The following DRICH1 variants were observed in gnomAD, a reference collection of about 807,000 sequenced individuals.
DRICH1 encodes aspartate-rich protein 1.
A neutral mutation model predicts 39.5 loss-of-function variants in DRICH1; 38 were observed. The ratio of observed to expected loss-of-function variants is 0.96; its 90% CI spans 0.74 to 1.26. The LOEUF is 1.26. Ranked by LOEUF, DRICH1 falls within the 50% of genes most tolerant of loss-of-function variation. The pLI, the probability that DRICH1 is intolerant of heterozygous loss-of-function variation, is 0.00. For synonymous variants in DRICH1, 84 were observed against 99.5 expected, an observed-to-expected ratio of 0.84 and a Z score of 0.93; for missense variants, 279 against 270.4, an observed-to-expected ratio of 1.03 and a Z score of -0.22.
At chr22:23,627,610 G>C (rs571112099) in intron 1 of DRICH1, among the ~76,000 whole-genome samples, 22 of 152,284 alleles carry the variant, frequency 1.4e-4, no homozygotes, top group Non-Finnish European at 2.9e-4. Flanking sequence ...ACAACAATGA[G>C]AACAACATCC....
At chr22:23,587,958 C>T in the DRICH1 span, among the ~76,000 whole-genome samples, 3 of 152,146 alleles carry the variant, frequency 2.0e-5, no homozygotes, top group African/African-American at 2.4e-5. Flanking sequence ...TGATCAAATT[C>T]CCAATCCCCC....
chr22:23,601,146 G>A, the DRICH1 span, among the ~76,000 whole-genome samples: 1,084 of 146,206 alleles, frequency 7.4e-3, 9 homozygotes, highest in African/African-American at 0.023. Context: ...ACGCACGCGC[G>A]CACACACACA....
At chr22:23,613,562 A>G in intron 10 of DRICH1, 77 bp downstream of exon 10, 1 of 1,154,656 alleles carries the variant, frequency 8.7e-7, no homozygotes, top group South Asian at 1.2e-5. Flanking sequence ...TCCCAGCAGG[A>G]CCCCAGAATC....
At chr22:23,628,870 A>T (rs1406847501) in intron 1 of DRICH1, among the ~76,000 whole-genome samples, 3 of 152,168 alleles carry the variant, frequency 2.0e-5, no homozygotes, top group African/African-American at 7.2e-5. Flanking sequence ...TGGAGAAGAC[A>T]AGAGAAAGCA....
the DRICH1 span, among the ~76,000 whole-genome samples, chr22:23,592,855 C>CAT: frequency 6.6e-6 from 1 of 150,760 alleles, no homozygotes; most frequent in Non-Finnish European, 1.5e-5. Flanking sequence ...CACACACACA[C>CAT]ACACACACAC....
chr22:23,586,840 C>T, the DRICH1 span, among the ~76,000 whole-genome samples: 7 of 152,162 alleles, frequency 4.6e-5, no homozygotes, highest in Non-Finnish European at 1.0e-4. Context: ...CCACTGCGTC[C>T]AGCCGAAATA....
chr22:23,622,481 GA>G (rs2123786213), intron 3 of DRICH1, among the ~76,000 whole-genome samples: 1 of 152,094 alleles, frequency 6.6e-6, no homozygotes, highest in South Asian at 2.1e-4. Context: ...CAAATGTTTT[GA>G]AACTCTTCAA....
At chr22:23,584,469 A>G in the DRICH1 span, among the ~76,000 whole-genome samples, 1 of 152,190 alleles carries the variant, frequency 6.6e-6, no homozygotes, top group Non-Finnish European at 1.5e-5. Flanking sequence ...GGCTGTCTCC[A>G]GAGGAAATAC....
the DRICH1 span, among the ~76,000 whole-genome samples, chr22:23,600,914 G>C: frequency 6.6e-5 from 10 of 151,676 alleles, no homozygotes; most frequent in Non-Finnish European, 1.3e-4. Flanking sequence ...CCTCGTGATC[G>C]ACCCACCTCG....
Position 23,616,866 on chromosome 22 carries a change from C to T in DRICH1, c.528G>A (p.Pro176=), listed in dbSNP as rs760242229. 66 of 1,613,858 alleles carry T rather than the reference C, an allele frequency of 4.1e-5. No homozygotes were observed. The highest frequency in any genetic ancestry group is 1.3e-4 in the Admixed American group (8 of 59,984). The part of the protein sequence containing the change: ...DDDDDDAQIL[P]SPVQACSEDS... ...CAAGGTACATACCCTGGACAGGTGA[C>T]GGTAAAATCTGCAATGAGATAAAAG... Residue 176 remains proline (P), a synonymous_variant, in exon 8 of 12, where the codon CCG becomes CCA. Coordinates refer to ENST00000317749, the MANE Select transcript of DRICH1 (RefSeq NM_016449.4).
Position 23,614,140 on chromosome 22 carries a change from T to C in DRICH1, c.616A>G (p.Ile206Val). 1 of 1,609,868 alleles carries C rather than the reference T, an allele frequency of 6.2e-7. No homozygotes were observed. The highest frequency in any genetic ancestry group is 8.5e-7 in the Non-Finnish European group (1 of 1,176,106). Residue 206 changes from isoleucine (I) to valine (V), a missense_variant, in exon 9 of 12, where the codon ATC becomes GTC. By Grantham distance (29) the Ile-to-Val change is conservative. Transcript: ENST00000317749. ...KDEEEEDDDDIHITARIESDL... is the reference protein window; with the variant it reads ...KDEEEEDDDDVHITARIESDL... Reference sequence around the variant, plus strand: ...CAAAAAAAGGGAGGTCTTACGTGGATGTCATCATCATCTTCTTCTTCTTCA... The same window carrying C: ...CAAAAAAAGGGAGGTCTTACGTGGACGTCATCATCATCTTCTTCTTCTTCA...
the DRICH1 span, among the ~76,000 whole-genome samples, chr22:23,597,196 C>G: frequency 6.9e-6 from 1 of 144,592 alleles, no homozygotes; most frequent in Admixed American, 6.9e-5. Context: ...CCATCCCTCC[C>G]TCATTTAAAC....
intron 11 of DRICH1, among the ~76,000 whole-genome samples, chr22:23,611,898 T>C (rs1167137942): frequency 6.6e-6 from 1 of 152,116 alleles, no homozygotes; most frequent in Non-Finnish European, 1.5e-5. Context: ...AAGTAATATG[T>C]TATACAAATG....
chr22:23,614,132 T>TA lies in DRICH1; in HGVS notation c.621+2dup. On this transcript the variant is annotated splice_region_variant and intron_variant, in intron 9 of 11. Transcript: ENST00000317749. ...GTAGAAGACAAAAAAAGGGAGGTCT[T>TA]ACGTGGATGTCATCATCATCTTCTT... The TA allele has an allele frequency of 6.2e-7, 1 of 1,604,958 alleles. No individual in the cohort carries two copies. Among genetic ancestry groups the TA allele is most frequent in the Non-Finnish European group, 8.5e-7 (1 of 1,171,746 alleles).
chr22:23,613,865 C>T (rs2123766813), intron 9 of DRICH1, among the ~76,000 whole-genome samples: 1 of 152,258 alleles, frequency 6.6e-6, no homozygotes, highest in East Asian at 1.9e-4. Flanking sequence ...ATTTTATATG[C>T]AAATGCACAA....
At chr22:23,609,958 C>T (rs1214907330) in intron 11 of DRICH1, among the ~76,000 whole-genome samples, 1 of 152,160 alleles carries the variant, frequency 6.6e-6, no homozygotes, top group Non-Finnish European at 1.5e-5. Flanking sequence ...TGTGGGGCTG[C>T]TTTCCTCCCT....
In DRICH1 at chr22:23,608,780, G is replaced by A. The variant is rs764382742; in HGVS notation, c.686-12C>T. 3 of 1,560,080 alleles carry A rather than the reference G, an allele frequency of 1.9e-6. No individual in the cohort carries two copies. The highest frequency in any genetic ancestry group is 2.6e-6 in the Non-Finnish European group (3 of 1,150,664). ...AGAAGGGCTTCACCCTGGATGAAGA[G>A]ATAATCCCTTTTTAGTGAGAGCAGG... On this transcript the variant is annotated splice_polypyrimidine_tract_variant and intron_variant, in intron 11 of 11. Transcript: ENST00000317749.
At chr22:23,589,496 G>A in the DRICH1 span, among the ~76,000 whole-genome samples, 1 of 151,288 alleles carries the variant, frequency 6.6e-6, no homozygotes, top group Non-Finnish European at 1.5e-5. Flanking sequence ...ATATATATGT[G>A]TGTATGTGTG....
the DRICH1 span, among the ~76,000 whole-genome samples, chr22:23,596,417 C>CT: frequency 3.7e-4 from 44 of 118,424 alleles, no homozygotes; most frequent in South Asian, 0.012. Flanking sequence ...ATGGCACCCC[C>CT]GTTTATTTTT....
Sources: gnomAD v4.1 joint callset for allele counts (sites outside exome capture counted in the v4.1 genomes callset) on GRCh38, gnomAD v4.1.1 for gene constraint, MANE v1.5 for transcripts, NCBI Gene and HGNC (gene_info 2026-07-23, HGNC 2026-07-21) for gene names.